Variants in COPS5 observed in about 807,000 individuals in gnomAD.
COPS5 encodes the protein COP9 signalosome complex subunit 5.
Under a neutral mutation model 44.4 loss-of-function variants are expected in COPS5, and 8 were observed. The observed-to-expected ratio is 0.18, with a 90% CI of 0.11 to 0.32. The LOEUF (loss-of-function observed/expected upper bound fraction) is 0.32. Ranked by LOEUF, COPS5 falls within the 10% of genes least tolerant of loss-of-function variation. The pLI is 1.00. For synonymous variants in COPS5, 122 were observed against 142.8 expected (o/e 0.85, Z 1.04); for missense variants, 159 against 406.4 (o/e 0.39, Z 5.23).
chr8:67,054,168 C>A (rs991308557), intron 5 of COPS5, among the ~76,000 whole-genome samples: 2 of 151,460 alleles, frequency 1.3e-5, no homozygotes, highest in African/African-American at 4.9e-5. Flanking sequence ...AGGATTGGTA[C>A]GCAACACGAT....
intron 4 of COPS5, among the ~76,000 whole-genome samples, 172 bp from the exon 5 acceptor site, chr8:67,056,776 A>G (rs1422765723): frequency 6.8e-6 from 1 of 146,516 alleles, no homozygotes; most frequent in Non-Finnish European, 1.5e-5. Context: ...TTCGGAGGCA[A>G]ATATTTAACA....
At position 67,043,105 on chromosome 8, in the gene COPS5, G is replaced by A. The variant is rs1474086744; in HGVS notation, c.*128C>T. The A allele has an allele frequency of 3.0e-5, 16 of 532,312 alleles. No individual in the cohort carries two copies. Among genetic ancestry groups the A allele is most frequent in the Non-Finnish European group, 5.4e-5 (16 of 296,840 alleles). The allele number at this position is 532,312 out of a possible 1,614,324, so 33.0% of individuals were successfully genotyped here. A position where few individuals can be genotyped will look rare whatever the true frequency, so the allele number is the denominator to read the frequency against. On this transcript the variant is annotated 3_prime_UTR_variant, in exon 8 of 8. Coordinates refer to ENST00000357849, the MANE Select transcript of COPS5 (RefSeq NM_006837.3). ...TTCATTTTAAAGAGCTTTATTACAGGATATTAATATTTAGGACACTTCAGA... is the reference window on the plus strand; with the variant it reads ...TTCATTTTAAAGAGCTTTATTACAGAATATTAATATTTAGGACACTTCAGA...
intron 5 of COPS5, among the ~76,000 whole-genome samples, chr8:67,054,153 A>G (rs1804464196): frequency 6.6e-6 from 1 of 152,142 alleles, no homozygotes. Flanking sequence ...AAAGAAAGTT[A>G]TTTAAGGATT....
At chr8:67,052,977 G>T (rs1810145289) in intron 5 of COPS5, among the ~76,000 whole-genome samples, 1 of 152,034 alleles carries the variant, frequency 6.6e-6, no homozygotes. Flanking sequence ...AGAGAAACTG[G>T]AGGCAGGGAT....
intron 7 of COPS5, chr8:67,044,411 G>A (rs1378142906): frequency 6.6e-6 from 1 of 152,128 alleles, no homozygotes; most frequent in Non-Finnish European, 1.5e-5. Context: ...GAAGATGGCA[G>A]TGAAATAAGG....
intron 6 of COPS5, among the ~76,000 whole-genome samples, chr8:67,046,730 G>C (rs966359258): frequency 6.0e-5 from 9 of 150,474 alleles, no homozygotes; most frequent in African/African-American, 2.2e-4. Flanking sequence ...GGCTGAGGCA[G>C]GAGAATCGCT....
intron 5 of COPS5, among the ~76,000 whole-genome samples, chr8:67,055,720 G>T (rs1804493928): frequency 6.6e-6 from 1 of 151,924 alleles, no homozygotes; most frequent in African/African-American, 2.4e-5. Context: ...ACAAAAATTA[G>T]CTAGGTGTGG....
At chr8:67,056,636 G>GAAAAAAAAAAAAAAAAAA (rs375914469) in intron 4 of COPS5, 32 bp from the exon 5 acceptor site, 1 of 14,098 alleles carries the variant, frequency 7.1e-5, no homozygotes, top group African/African-American at 9.8e-4. Context: ...AGAAGATTAA[G>GAAAAAAAAAAAAAAAAAA]AAAAAAAAAA....
chr8:67,053,182 C>G (rs569700110), intron 5 of COPS5, among the ~76,000 whole-genome samples: 213 of 152,010 alleles, frequency 1.4e-3, no homozygotes, highest in Non-Finnish European at 2.5e-3. Flanking sequence ...GTTTGCCTCC[C>G]AGGTTCAAGT....
chr8:67,060,156 T>C (rs1804564220), intron 1 of COPS5: 1 of 215,636 alleles, frequency 4.6e-6, no homozygotes, highest in Non-Finnish European at 9.0e-6. Flanking sequence ...CCTAGTCTCC[T>C]ATGATCACTA....
intron 1 of COPS5, chr8:67,061,327 C>T (rs1804615864): frequency 2.3e-6 from 1 of 427,280 alleles, no homozygotes; most frequent in Non-Finnish European, 4.6e-6. Context: ...CCAGGCCTCA[C>T]GCCTGTAATC....
chr8:67,056,492 G>A, intron 5 of COPS5, 27 bp downstream of exon 5: 1 of 859,662 alleles, frequency 1.2e-6, no homozygotes, highest in Non-Finnish European at 1.9e-6. Flanking sequence ...ACCGTGCCTG[G>A]CCCAGATATG....
intron 1 of COPS5, chr8:67,060,516 C>T: frequency 7.8e-7 from 1 of 1,289,336 alleles, no homozygotes; most frequent in Non-Finnish European, 1.0e-6. Context: ...GAAGTCAAGA[C>T]ATGAATCGAA....
chr8:67,048,499 G>A (rs1816728260), intron 6 of COPS5, among the ~76,000 whole-genome samples: 1 of 150,734 alleles, frequency 6.6e-6, no homozygotes, highest in Admixed American at 6.6e-5. Flanking sequence ...GGTGGATCAC[G>A]AGGTCAGGAG....
chr8:67,050,614 A>AGAGTGTGT (rs1554544973), intron 6 of COPS5, among the ~76,000 whole-genome samples: 1 of 141,056 alleles, frequency 7.1e-6, no homozygotes, highest in African/African-American at 2.6e-5. Flanking sequence ...TGAGTGTGAG[A>AGAGTGTGT]GTGTGTGTGT....
chr8:67,046,824 C>CAAAAAAA (rs771868140), intron 6 of COPS5, among the ~76,000 whole-genome samples: 64 of 43,528 alleles, frequency 1.5e-3, no homozygotes, highest in Non-Finnish European at 1.8e-3. Flanking sequence ...ACTCTGTCTC[C>CAAAAAAA]AAAAAAAAAA....
At chr8:67,053,241 C>G (rs951800521) in intron 5 of COPS5, among the ~76,000 whole-genome samples, 1 of 151,858 alleles carries the variant, frequency 6.6e-6, no homozygotes, top group African/African-American at 2.4e-5. Context: ...AGGCGCCCAC[C>G]ACCATGCCCA....
At chr8:67,057,320 A>C in intron 4 of COPS5, 60 bp downstream of exon 4, 1 of 1,138,982 alleles carries the variant, frequency 8.8e-7, no homozygotes, top group East Asian at 2.4e-5. Context: ...GTGAATAGCC[A>C]CTGTACTCCA....
At chr8:67,047,961 T>C in intron 6 of COPS5, 1 of 698,858 alleles carries the variant, frequency 1.4e-6, no homozygotes, top group Non-Finnish European at 2.6e-6. Flanking sequence ...AATTTGCTAC[T>C]TCTGACTACT....
Sources: allele counts gnomAD v4.1 joint callset (sites outside exome capture counted in the v4.1 genomes callset), GRCh38; gene constraint gnomAD v4.1.1; transcripts MANE v1.5; gene names NCBI Gene and HGNC (gene_info 2026-07-23, HGNC 2026-07-21).